TTLL12: variants seen among roughly 807,000 people sequenced by gnomAD.
TTLL12 encodes tubulin tyrosine ligase like 12.
In TTLL12, 77 loss-of-function variants were observed where a neutral mutation model predicts 79.6. The ratio of observed to expected loss-of-function variants is 0.97; its 90% CI spans 0.81 to 1.17. The LOEUF (loss-of-function observed/expected upper bound fraction) is 1.17. Ranked by LOEUF, TTLL12 falls within the 50% of genes most tolerant of loss-of-function variation. The probability of loss-of-function intolerance (pLI) is 0.00; values close to 1 mark genes in which losing one functional copy is unlikely to be tolerated. For synonymous variants in TTLL12, 437 were observed against 376.1 expected, an observed-to-expected ratio of 1.16 and a Z score of -1.87; for missense variants, 969 against 895.9, an observed-to-expected ratio of 1.08 and a Z score of -1.04.
At chr22:43,178,827 C>T (rs554157968) in intron 5 of TTLL12, among the ~76,000 whole-genome samples, 15 of 152,222 alleles carry the variant, frequency 9.9e-5, no homozygotes, top group Non-Finnish European at 2.1e-4. Flanking sequence ...TCCTCATCCT[C>T]AGTAAAATGA....
intron 1 of TTLL12, among the ~76,000 whole-genome samples, chr22:43,185,250 TA>T (rs1932151021): frequency 6.0e-3 from 2 of 334 alleles, no homozygotes; most frequent in East Asian, 0.045. Flanking sequence ...AAAAAAATTA[TA>T]TATATATATA....
chr22:43,183,870 G>C (rs1245353723), intron 1 of TTLL12, among the ~76,000 whole-genome samples: 2 of 152,244 alleles, frequency 1.3e-5, no homozygotes, highest in Non-Finnish European at 2.9e-5. Context: ...AGGCTGTGTG[G>C]GTTCAAATCT....
chr22:43,174,510 G>T lies in TTLL12; in HGVS notation c.1023C>A (p.Phe341Leu), dbSNP rs748650299. ...DADILFNFSH[F>L]KDYRKLSQER... ...AGAGGTGCCCTCACCTGTAGTCCTT[G>T]AAGTGTGAGAAGTTGAAGAGGATGT... is the stretch of plus-strand genomic sequence containing the variant. Residue 341 changes from phenylalanine to leucine, a missense_variant, in exon 7 of 14, where the codon TTC becomes TTA. Phe to Leu is a conservative substitution (Grantham distance 22). Transcript: ENST00000216129. 17 of 1,611,730 alleles carry T rather than the reference G, an allele frequency of 1.1e-5. No homozygotes were observed. The highest frequency in any genetic ancestry group is 1.4e-5 in the Non-Finnish European group (17 of 1,178,546).
Position 43,168,154 on chromosome 22 carries a change from GCCTT to G in TTLL12, c.1785_1788del (p.Arg596GlyfsTer2), listed in dbSNP as rs980638093. On this transcript the variant is annotated frameshift_variant and splice_region_variant, in exon 14 of 14. Transcript: ENST00000216129. LOFTEE classifies it high-confidence loss of function. ...TCCAGGATCTGCGGCTGCATCACCC[GCCTT>G]CCTGATGGCAAAGAGCGCAGCAGAG... is the stretch of plus-strand genomic sequence containing the variant. 21 of 1,613,958 alleles carry G rather than the reference GCCTT, an allele frequency of 1.3e-5. No individual in the cohort carries two copies. The highest frequency in any genetic ancestry group is 1.8e-5 in the Non-Finnish European group (21 of 1,179,910).
chr22:43,179,015 T>C (rs1180240218), intron 5 of TTLL12, among the ~76,000 whole-genome samples: 1 of 152,072 alleles, frequency 6.6e-6, no homozygotes, highest in Admixed American at 6.5e-5. Flanking sequence ...TGACTGGTTC[T>C]GGAGGTGGCT....
Position 43,173,835 on chromosome 22 carries a change from CAGA to C in TTLL12, c.1230-12_1230-10del. On this transcript the variant is annotated splice_polypyrimidine_tract_variant and intron_variant, in intron 8 of 13. Coordinates refer to ENST00000216129, the MANE Select transcript of TTLL12 (RefSeq NM_015140.4). ...AGTGGTTGTCCTCGCCCCTGGGGAG[CAGA>C]AGGGCTGTCTGGGGGGCGCCTGGGG... 1 of 1,600,108 alleles carries C rather than the reference CAGA, an allele frequency of 6.2e-7. No homozygotes were observed. The highest frequency in any genetic ancestry group is 8.5e-7 in the Non-Finnish European group (1 of 1,179,128).
At chr22:43,187,129 GGCCCTGCCCTCCCGCCTCCGCCCCCT>G in exon 1 of TTLL12, 1 of 988,772 alleles carries the variant, frequency 1.0e-6, no homozygotes, top group Non-Finnish European at 1.2e-6. Flanking sequence ...GCCGTCCGTC[GGCCCTGCCCTCCCGCCTCCGCCCCCT>G]GCCCCGCCCC....
intron 4 of TTLL12, 25 bp from the exon 5 acceptor site, chr22:43,179,777 C>G: frequency 6.4e-7 from 1 of 1,550,684 alleles, no homozygotes; most frequent in Non-Finnish European, 8.7e-7. Flanking sequence ...GAGTGCCCAT[C>G]AGAGGGGGTG....
intron 6 of TTLL12, among the ~76,000 whole-genome samples, chr22:43,174,935 C>G (rs1226392216): frequency 6.6e-6 from 1 of 152,280 alleles, no homozygotes; most frequent in Non-Finnish European, 1.5e-5. Context: ...TTTCCTCTCA[C>G]ATGCAAAACA....
chr22:43,179,542 T>A, intron 5 of TTLL12, 77 bp downstream of exon 5: 1 of 1,437,154 alleles, frequency 7.0e-7, no homozygotes. Flanking sequence ...TGGGGTTTGA[T>A]AACATTTGGT....
chr22:43,174,298 G>T lies in TTLL12; in HGVS notation c.1140C>A (p.Gly380=). 6.2e-7 allele frequency: 1 copy of T among 1,611,060 alleles called. No homozygotes were observed. Among genetic ancestry groups the T allele is most frequent in the South Asian group, 1.1e-5 (1 of 90,992 alleles). The change falls in exon 8 of 14, where the codon GGC becomes GGA. Residue 380 remains glycine, a synonymous_variant. Transcript: ENST00000216129. ...GGGGCAGCCAGGGTGGGCCCTCGGG[G>T]CCACCTGCCCGGCGCGCGATGGAGG... ...CLASIARRAG[G]PEGPPWLPRT...
chr22:43,168,629 A>C (rs866154157), intron 13 of TTLL12, 145 bp downstream of exon 13: 2 of 1,217,458 alleles, frequency 1.6e-6, no homozygotes, highest in Middle Eastern at 5.5e-4. Context: ...CCTGTGGGCC[A>C]AGCCAGGGCT....
rs776029715 is a variant in TTLL12, at chr22:43,183,030, G to C, written c.297C>G (p.Tyr99Ter). 6.8e-6 allele frequency: 11 copies of C among 1,613,890 alleles called. No homozygotes were observed. Among genetic ancestry groups the C allele is most frequent in the Non-Finnish European group, 4.2e-6 (5 of 1,179,986 alleles). ...QQPNPGNELC[Y>*]KVIVTRESGL... is the part of the protein sequence containing the mutation. The stretch of plus-strand genomic sequence containing the variant: ...CGCTCTCCCTGGTCACGATGACCTT[G>C]TAGCACAGCTCGTTCCCCGGGTTGG... Residue 99 changes from tyrosine to a stop codon, truncating the protein, a stop_gained, in exon 2 of 14, where the codon TAC becomes TAG. Transcript: ENST00000216129. LOFTEE classifies it high-confidence loss of function.
intron 11 of TTLL12, among the ~76,000 whole-genome samples, chr22:43,170,486 T>C (rs765571940): frequency 2.6e-5 from 4 of 152,162 alleles, no homozygotes; most frequent in Admixed American, 6.5e-5. Context: ...TTATCATTAG[T>C]GAAGACCTCA....
chr22:43,169,345 C>T (rs1012828890), intron 12 of TTLL12, among the ~76,000 whole-genome samples, 155 bp downstream of exon 12: 2 of 152,216 alleles, frequency 1.3e-5, no homozygotes, highest in African/African-American at 4.8e-5. Context: ...GGGGAGCCCA[C>T]GCTGTCTTGC....
intron 9 of TTLL12, among the ~76,000 whole-genome samples, chr22:43,173,075 G>A (rs1931806650): frequency 6.6e-6 from 1 of 152,054 alleles, no homozygotes; most frequent in African/African-American, 2.4e-5. Context: ...CCATCCCATG[G>A]CCTGAAGTCT....
rs138444061 is a variant in TTLL12 at position 43,166,802 on chromosome 22, AGAG to A, written c.*1203_*1205del. The A allele has an allele frequency of 0.022, 3,775 of 174,562 alleles. 173 individuals are homozygous for A. The highest frequency in any genetic ancestry group is 0.086 in the African/African-American group (3,600 of 41,930). 10.8% of individuals were successfully genotyped at this position (174,562 alleles called of 1,614,324 possible). A position where few individuals can be genotyped will look rare whatever the true frequency, so the allele number is the denominator to read the frequency against. Reference sequence around the variant, plus strand: ...GTAAACAAGGGCCCAGACAACACAGAGAGGAGAGGCAGCATCATCAGGTGCAGC... The same window carrying A: ...GTAAACAAGGGCCCAGACAACACAGAGAGAGGCAGCATCATCAGGTGCAGC... On this transcript the variant is annotated 3_prime_UTR_variant, in exon 14 of 14. Transcript: ENST00000216129.
At position 43,179,640 on chromosome 22, in the gene TTLL12, C is replaced by T; in HGVS notation, c.819G>A (p.Glu273=). The part of the protein sequence containing the change: ...DMLDLSSCTP[E]PPAEHYQAIL... ...GCACCTGGTAGTGCTCGGCGGGCGG[C>T]TCGGGTGTGCAAGAGCTGAGGTCCA... Residue 273 remains glutamate, a synonymous_variant, in exon 5 of 14, where the codon GAG becomes GAA. Coordinates refer to ENST00000216129, the MANE Select transcript of TTLL12 (RefSeq NM_015140.4). The T allele has an allele frequency of 6.3e-7, 1 of 1,585,606 alleles. No individual in the cohort carries two copies.
chr22:43,174,062 G>A (rs762953), intron 8 of TTLL12, 147 bp downstream of exon 8: 321,997 of 1,175,288 alleles, frequency 0.27, 50,347 homozygotes, highest in African/African-American at 0.67. Context: ...CCTGCGGTCC[G>A]TGAAGACGGC....
Sources: allele counts gnomAD v4.1 joint callset (sites outside exome capture counted in the v4.1 genomes callset), GRCh38; gene constraint gnomAD v4.1.1; transcripts MANE v1.5; gene names NCBI Gene and HGNC (gene_info 2026-07-23, HGNC 2026-07-21).